Variants in NBEA observed in about 807,000 individuals in gnomAD.
The protein encoded by NBEA is lysosomal-trafficking regulator 2.
A neutral mutation model predicts 343.4 loss-of-function variants in NBEA; 44 were observed. That is an observed-to-expected ratio of 0.13 (90% CI 0.10 to 0.16). NBEA has a LOEUF of 0.16. Ranked by LOEUF, NBEA falls within the 10% of genes least tolerant of loss-of-function variation. The pLI, the probability that NBEA is intolerant of heterozygous loss-of-function variation, is 1.00. For synonymous variants in NBEA, 1,175 were observed against 1,238.7 expected, an observed-to-expected ratio of 0.95 and a Z score of 1.08; for missense variants, 2,555 against 3,631.3, an observed-to-expected ratio of 0.70 and a Z score of 7.62.
chr13:35,049,647 C>T (rs2062994619), intron 5 of NBEA, among the ~76,000 whole-genome samples: 1 of 151,772 alleles, frequency 6.6e-6, no homozygotes, highest in South Asian at 2.1e-4. Flanking sequence ...TTTGGGAGAT[C>T]ATACATTAAT....
intron 41 of NBEA, among the ~76,000 whole-genome samples, chr13:35,510,777 C>T (rs1387681584): frequency 6.6e-6 from 1 of 152,126 alleles, no homozygotes; most frequent in Non-Finnish European, 1.5e-5. Context: ...TTTTGTTAGG[C>T]ACTCATTTTA....
chr13:35,075,913 T>C (rs1332553034), intron 10 of NBEA, among the ~76,000 whole-genome samples: 1 of 151,980 alleles, frequency 6.6e-6, no homozygotes, highest in East Asian at 1.9e-4. Context: ...TATCTGACCA[T>C]GTTTCCTGAT....
At chr13:35,374,133 A>G (rs1420201235) in intron 38 of NBEA, among the ~76,000 whole-genome samples, 1 of 152,184 alleles carries the variant, frequency 6.6e-6, no homozygotes, top group Non-Finnish European at 1.5e-5. Context: ...TTTAAATGAA[A>G]GACACCACTT....
intron 1 of NBEA, among the ~76,000 whole-genome samples, chr13:35,018,877 G>T (rs1453927953): frequency 6.6e-6 from 1 of 152,076 alleles, no homozygotes; most frequent in East Asian, 1.9e-4. Context: ...TTAGCTATAG[G>T]TTTTTTATAG....
chr13:35,102,445 C>A (rs1408825146), intron 11 of NBEA, among the ~76,000 whole-genome samples: 2 of 151,446 alleles, frequency 1.3e-5, no homozygotes, highest in African/African-American at 4.8e-5. Context: ...CAACTTCCAC[C>A]AAAAAACATG....
chr13:35,497,004 C>A (rs943411420), intron 41 of NBEA, among the ~76,000 whole-genome samples: 7 of 152,002 alleles, frequency 4.6e-5, no homozygotes, highest in African/African-American at 1.7e-4. Context: ...TCTCCTAAGT[C>A]TATGCTTCAG....
intron 1 of NBEA, among the ~76,000 whole-genome samples, chr13:34,979,445 A>T (rs962369541): frequency 6.6e-6 from 1 of 152,010 alleles, no homozygotes; most frequent in Non-Finnish European, 1.5e-5. Flanking sequence ...ACTCGAACCT[A>T]GGAGGCAGAG....
chr13:35,049,162 A>G (rs1018077092), intron 5 of NBEA, among the ~76,000 whole-genome samples: 7 of 151,914 alleles, frequency 4.6e-5, no homozygotes, highest in Admixed American at 1.3e-4. Flanking sequence ...GAGTTGATCA[A>G]CCTAACAATG....
chr13:35,314,509 C>T (rs1005663894), intron 36 of NBEA, among the ~76,000 whole-genome samples: 2 of 152,094 alleles, frequency 1.3e-5, no homozygotes, highest in Non-Finnish European at 2.9e-5. Flanking sequence ...CTCAATTTTT[C>T]CCTGATTTAT....
intron 34 of NBEA, among the ~76,000 whole-genome samples, chr13:35,247,207 C>T (rs975392613): frequency 2.0e-5 from 3 of 152,154 alleles, no homozygotes; most frequent in Admixed American, 6.5e-5. Context: ...CCCAGGCTAC[C>T]GGCCTCCTGG....
chr13:35,309,388 A>G, intron 35 of NBEA, 140 bp from the exon 36 acceptor site: 1 of 599,894 alleles, frequency 1.7e-6, no homozygotes, highest in East Asian at 3.3e-5. Context: ...ACAAAATAAT[A>G]TTCATTACAA....
At chr13:35,566,313 A>G (rs2080133944) in intron 44 of NBEA, among the ~76,000 whole-genome samples, 1 of 152,184 alleles carries the variant, frequency 6.6e-6, no homozygotes, top group Non-Finnish European at 1.5e-5. Context: ...GTGAGCCAAG[A>G]TCGCGCCATT....
In NBEA at chr13:35,671,980, T is replaced by C. The variant is rs1043703346; in HGVS notation, c.*989T>C. 4.6e-5 allele frequency: 7 copies of C among 152,458 alleles called. No individual in the cohort carries two copies. Among genetic ancestry groups the C allele is most frequent in the African/African-American group, 1.7e-4 (7 of 41,452 alleles). The allele number at this position is 152,458 out of a possible 1,614,324, so 9.4% of individuals were successfully genotyped here. On this transcript the variant is annotated 3_prime_UTR_variant, in exon 59 of 59. Coordinates refer to ENST00000379939, the MANE Select transcript of NBEA (RefSeq NM_001385012.1). The stretch of plus-strand genomic sequence containing the variant: ...TGCTAACTTTTTTTTTCTCTTTGGT[T>C]CTTGAATAGCTTAGTTTCTTTAATA...
rs1460578963 is a variant in NBEA, at chr13:35,606,513, G to A, written c.7384G>A (p.Val2462Ile). 4.4e-6 allele frequency: 7 copies of A among 1,607,388 alleles called. No individual in the cohort carries two copies. Among genetic ancestry groups the A allele is most frequent in the Middle Eastern group, 1.7e-4 (1 of 6,032 alleles). Residue 2462 changes from valine (V) to isoleucine (I), a missense_variant, in exon 48 of 59, where the codon GTA becomes ATA. Physicochemically the swap from Val to Ile is conservative, Grantham distance 29. Transcript: ENST00000379939. ...NLGVREDEVV[V>I]NDVDLPPWAK... ...TGGAGTCAGAGAAGATGAAGTAGTG[G>A]TAAATGATGTTGATCTTCCCCCTTG...
intron 36 of NBEA, among the ~76,000 whole-genome samples, chr13:35,328,188 A>G (rs967837950): frequency 3.3e-5 from 5 of 152,032 alleles, no homozygotes; most frequent in Non-Finnish European, 7.4e-5. Context: ...ATACAGGACC[A>G]ATATTCAAAA....
intron 38 of NBEA, among the ~76,000 whole-genome samples, chr13:35,369,972 T>C (rs534480917): frequency 3.9e-5 from 6 of 152,110 alleles, no homozygotes; most frequent in Non-Finnish European, 7.4e-5. Flanking sequence ...GAATGTTCCA[T>C]GTACTGATCA....
intron 1 of NBEA, among the ~76,000 whole-genome samples, chr13:34,943,913 A>G (rs914726650): frequency 6.6e-6 from 1 of 152,228 alleles, no homozygotes; most frequent in African/African-American, 2.4e-5. Flanking sequence ...GAGTTACTGC[A>G]GAAGTGTGTA....
intron 41 of NBEA, among the ~76,000 whole-genome samples, chr13:35,539,884 C>G (rs1455339260): frequency 8.1e-6 from 1 of 123,042 alleles, no homozygotes; most frequent in Non-Finnish European, 1.6e-5. Flanking sequence ...CCACTGCACT[C>G]CAGCCTGGGC....
chr13:35,380,378 G>A (rs528767936), intron 38 of NBEA, among the ~76,000 whole-genome samples: 23 of 152,162 alleles, frequency 1.5e-4, no homozygotes, highest in South Asian at 4.1e-4. Context: ...TTGGGAGGCC[G>A]AGGCTGCAGT....
Sources: gnomAD v4.1 joint callset for allele counts (sites outside exome capture counted in the v4.1 genomes callset) on GRCh38, gnomAD v4.1.1 for gene constraint, MANE v1.5 for transcripts, NCBI Gene and HGNC (gene_info 2026-07-23, HGNC 2026-07-21) for gene names.